The following TEAD1 variants were observed in gnomAD, a reference collection of about 807,000 sequenced individuals.
TEAD1 encodes transcriptional enhancer factor TEF-1.
In TEAD1, 9 loss-of-function variants were observed where a neutral mutation model predicts 54.9. That is an observed-to-expected ratio of 0.16 (90% CI 0.10 to 0.29). The LOEUF is 0.29. Among genes scored for constraint, TEAD1 ranks in the 10% least tolerant of loss-of-function variants. TEAD1 has a pLI of 1.00. For missense variants in TEAD1, 387 were observed against 535.9 expected (o/e 0.72, Z 2.74); for synonymous variants, 200 against 187.8 (o/e 1.07, Z -0.53).
chr11:12,788,379 G>A (rs1033677578), intron 3 of TEAD1, among the ~76,000 whole-genome samples: 147 of 152,026 alleles, frequency 9.7e-4, no homozygotes, highest in Non-Finnish European at 1.3e-3. Context: ...TGATCCGCCC[G>A]CCTCGGCCTC....
chr11:12,844,899 C>T (rs1221615624), intron 3 of TEAD1, among the ~76,000 whole-genome samples: 1 of 149,982 alleles, frequency 6.7e-6, no homozygotes, highest in Non-Finnish European at 1.5e-5. Context: ...TGTGTTGGCT[C>T]CAAGGAAGTC....
At chr11:12,817,585 T>G (rs1590180342) in intron 3 of TEAD1, among the ~76,000 whole-genome samples, 1 of 152,190 alleles carries the variant, frequency 6.6e-6, no homozygotes, top group African/African-American at 2.4e-5. Context: ...AATGAGATCT[T>G]GATGCCCCCC....
chr11:12,856,126 C>CT (rs1349436145), intron 3 of TEAD1, among the ~76,000 whole-genome samples: 11 of 112,948 alleles, frequency 9.7e-5, no homozygotes, highest in Non-Finnish European at 2.1e-4. Flanking sequence ...GGGTTATCTT[C>CT]TTCCTTTTTT....
intron 9 of TEAD1, among the ~76,000 whole-genome samples, chr11:12,896,196 C>T (rs1233883703): frequency 6.6e-6 from 1 of 152,074 alleles, no homozygotes; most frequent in East Asian, 1.9e-4. Context: ...ATAGCTACAC[C>T]AATTCACCCT....
chr11:12,690,261 A>AAATAAT (rs1554920389), intron 2 of TEAD1, among the ~76,000 whole-genome samples: 2 of 145,830 alleles, frequency 1.4e-5, no homozygotes, highest in African/African-American at 5.1e-5. Context: ...AAAAAAAAAA[A>AAATAAT]AATAATAAGC....
At chr11:12,872,845 T>C (rs1489841670) in intron 5 of TEAD1, among the ~76,000 whole-genome samples, 1 of 152,128 alleles carries the variant, frequency 6.6e-6, no homozygotes, top group Non-Finnish European at 1.5e-5. Flanking sequence ...AGCCAGTCCA[T>C]TACCTGGCCC....
chr11:12,905,528 A>G (rs932527009), intron 10 of TEAD1, among the ~76,000 whole-genome samples: 4 of 152,342 alleles, frequency 2.6e-5, no homozygotes, highest in African/African-American at 9.6e-5. Context: ...GGCAATTTAA[A>G]TTCGGTTTGC....
intron 3 of TEAD1, among the ~76,000 whole-genome samples, chr11:12,777,338 T>A (rs1002603857): frequency 6.6e-6 from 1 of 152,236 alleles, no homozygotes; most frequent in Non-Finnish European, 1.5e-5. Context: ...TTTGGCCATT[T>A]ACAAAGGTCC....
In TEAD1 at chr11:12,836,370, A is replaced by G. The variant is rs58012362; in HGVS notation, c.203-25880A>G. Among the ~76,000 whole-genome samples the G allele has an allele frequency of 4.2e-3, 636 of 151,658 alleles. 7 individuals carry two copies. Among genetic ancestry groups the G allele is most frequent in the African/African-American group, 0.014 (585 of 41,300 alleles). ...GGCAGGCGGAGCTTGCAGTGAGTCA[A>G]GATTGCACCACTGCCGTCTAGCCTG... On this transcript the variant is annotated intron_variant, in intron 3 of 12. Coordinates refer to ENST00000527636, the MANE Select transcript of TEAD1 (RefSeq NM_021961.6).
intron 2 of TEAD1, among the ~76,000 whole-genome samples, chr11:12,692,772 G>GA (rs1480015402): frequency 2.0e-5 from 3 of 152,162 alleles, no homozygotes; most frequent in African/African-American, 7.2e-5. Context: ...AGCTACCAAA[G>GA]AAAAAGCTGG....
At chr11:12,838,469 T>C (rs911931381) in intron 3 of TEAD1, among the ~76,000 whole-genome samples, 1 of 152,250 alleles carries the variant, frequency 6.6e-6, no homozygotes, top group African/African-American at 2.4e-5. Context: ...AAGAATACTT[T>C]TGGATTCAAA....
intron 5 of TEAD1, among the ~76,000 whole-genome samples, chr11:12,874,515 T>C (rs1947816174): frequency 1.3e-5 from 2 of 152,320 alleles, no homozygotes; most frequent in Non-Finnish European, 2.9e-5. Flanking sequence ...CTCTCCTTCA[T>C]GAAATATGAA....
At chr11:12,820,711 G>A (rs762585752) in intron 3 of TEAD1, among the ~76,000 whole-genome samples, 2 of 151,654 alleles carry the variant, frequency 1.3e-5, no homozygotes, top group Admixed American at 6.5e-5. Context: ...AAGGGAACCC[G>A]GACAAAGAAA....
chr11:12,889,162 T>C (rs759307313), intron 9 of TEAD1, among the ~76,000 whole-genome samples: 1 of 152,176 alleles, frequency 6.6e-6, no homozygotes, highest in Non-Finnish European at 1.5e-5. Flanking sequence ...ATGATTTCAG[T>C]GTTGCATATC....
intron 2 of TEAD1, among the ~76,000 whole-genome samples, chr11:12,712,010 G>T (rs1441311051): frequency 2.0e-5 from 3 of 152,124 alleles, no homozygotes; most frequent in Non-Finnish European, 2.9e-5. Context: ...CTTCATGAAA[G>T]CTCCTCAGTC....
chr11:12,692,599 C>T (rs1049434751), intron 2 of TEAD1, among the ~76,000 whole-genome samples: 10 of 152,292 alleles, frequency 6.6e-5, no homozygotes, highest in South Asian at 6.2e-4. Context: ...ATTTCCCCCC[C>T]GCCCCCGCTT....
intron 3 of TEAD1, among the ~76,000 whole-genome samples, chr11:12,765,709 C>T (rs1945193288): frequency 6.6e-6 from 1 of 152,136 alleles, no homozygotes; most frequent in African/African-American, 2.4e-5. Flanking sequence ...TGGAGTCTCT[C>T]AGCCTGTCAC....
chr11:12,748,222 A>T (rs1221661077), intron 2 of TEAD1, among the ~76,000 whole-genome samples: 1 of 152,172 alleles, frequency 6.6e-6, no homozygotes, highest in Non-Finnish European at 1.5e-5. Flanking sequence ...TCTGCCTCCC[A>T]AAGTGCTGGG....
chr11:12,694,377 A>G lies in TEAD1; in HGVS notation c.-55+18816A>G, dbSNP rs566033844. Among the ~76,000 whole-genome samples the G allele has an allele frequency of 2.2e-4, 34 of 151,284 alleles. No individual in the cohort carries two copies. The South Asian group carries it at 6.9e-3, about 31-fold the overall frequency. The stretch of plus-strand genomic sequence containing the variant: ...TGGCCTGTCTCTTGCTTTTACTTGC[A>G]GTTTACTTCCTTATATACAGGGTCC... On this transcript the variant is annotated intron_variant, in intron 2 of 12. Transcript: ENST00000527636.
Sources: gnomAD v4.1 joint callset for allele counts (sites outside exome capture counted in the v4.1 genomes callset) on GRCh38, gnomAD v4.1.1 for gene constraint, MANE v1.5 for transcripts, NCBI Gene and HGNC (gene_info 2026-07-23, HGNC 2026-07-21) for gene names.